IFT122: variants seen among roughly 807,000 people sequenced by gnomAD.
The protein encoded by IFT122 is intraflagellar transport protein 122 homolog.
A neutral mutation model predicts 161.6 loss-of-function variants in IFT122; 118 were observed. That is an observed-to-expected ratio of 0.73 (90% CI 0.63 to 0.85). The LOEUF (loss-of-function observed/expected upper bound fraction) is 0.85, where lower values mean the gene tolerates loss of function less well. Among genes scored for constraint, IFT122 ranks in the 40% least tolerant of loss-of-function variants. IFT122 has a pLI of 0.00. For missense variants in IFT122, 1,381 were observed against 1,579.6 expected (o/e 0.87, Z 2.13); for synonymous variants, 550 against 602.4 (o/e 0.91, Z 1.27).
intron 21 of IFT122, 75 bp downstream of exon 21, chr3:129,504,496 AC>A: frequency 8.4e-7 from 1 of 1,194,508 alleles, no homozygotes. Flanking sequence ...CAGGAAGGCT[AC>A]CAAGCCCTTC....
intron 25 of IFT122, chr3:129,515,046 G>C (rs902898590): frequency 3.2e-5 from 12 of 370,254 alleles, no homozygotes; most frequent in Non-Finnish European, 1.5e-5. Context: ...AGACAGACCT[G>C]GGTTCACATC....
intron 17 of IFT122, among the ~76,000 whole-genome samples, 156 bp downstream of exon 17, chr3:129,492,350 G>A (rs2080231703): frequency 6.6e-6 from 1 of 152,198 alleles, no homozygotes; most frequent in African/African-American, 2.4e-5. Flanking sequence ...GGGCAGAGTG[G>A]CCACACTGGG....
rs191389068 is a variant in IFT122 at position 129,471,610 on chromosome 3, G to A, written c.816+2193G>A. On this transcript the variant is annotated intron_variant, in intron 9 of 29. Transcript: ENST00000348417. ...TATCTTGCATGTATGCAGCCCCAGA[G>A]CTCATGTTGTGGCCCAAAGTTTCTG... is the stretch of plus-strand genomic sequence containing the variant. Among the ~76,000 whole-genome samples the A allele has an allele frequency of 2.4e-3, 372 of 152,318 alleles. 4 individuals carry two copies. Among genetic ancestry groups the A allele is most frequent in the South Asian group, 2.9e-3 (14 of 4,832 alleles).
chr3:129,517,041 A>G (rs1453461727), intron 26 of IFT122, among the ~76,000 whole-genome samples: 11 of 103,886 alleles, frequency 1.1e-4, no homozygotes, highest in Non-Finnish European at 1.5e-4. Flanking sequence ...TTGCTCCTGC[A>G]CACACACACA....
intron 13 of IFT122, 72 bp downstream of exon 13, chr3:129,479,994 A>G (rs1577646807): frequency 6.3e-7 from 1 of 1,582,402 alleles, no homozygotes; most frequent in East Asian, 2.2e-5. Context: ...TCTAGCAATG[A>G]CTCTGAGCTG....
At chr3:129,477,665 A>G (rs1460302785) in intron 11 of IFT122, among the ~76,000 whole-genome samples, 2 of 152,212 alleles carry the variant, frequency 1.3e-5, no homozygotes, top group Non-Finnish European at 2.9e-5. Flanking sequence ...GGAGGTGGGC[A>G]GGGAGCGGCC....
chr3:129,443,371 ATC>A (rs1373019610), intron 1 of IFT122, among the ~76,000 whole-genome samples: 2 of 152,186 alleles, frequency 1.3e-5, no homozygotes, highest in African/African-American at 4.8e-5. Context: ...CTGACAGTGT[ATC>A]TCTTTTATAA....
intron 18 of IFT122, among the ~76,000 whole-genome samples, chr3:129,499,180 C>G (rs909051465): frequency 3.3e-5 from 5 of 152,198 alleles, no homozygotes; most frequent in African/African-American, 1.2e-4. Context: ...CCCTGCAGAC[C>G]TGACCTCAGC....
Position 129,502,902 on chromosome 3 carries a change from C to T in IFT122, c.2547+20C>T, listed in dbSNP as rs367977884. On this transcript the variant is annotated intron_variant, in intron 20 of 29. Coordinates refer to ENST00000348417, the MANE Select transcript of IFT122 (RefSeq NM_052989.3). ...GATGAGGTGAGGGGAAAGCAGGCCT[C>T]ATGGGCTGGGGCCCCACCTGAGCCC... The T allele has an allele frequency of 7.5e-6, 12 of 1,605,370 alleles. No individual in the cohort carries two copies. The highest frequency in any genetic ancestry group is 1.0e-5 in the Non-Finnish European group (12 of 1,179,832).
chr3:129,446,349 C>T (rs1242128330), intron 1 of IFT122, among the ~76,000 whole-genome samples: 1 of 151,914 alleles, frequency 6.6e-6, no homozygotes, highest in Non-Finnish European at 1.5e-5. Context: ...CTCATCCTCC[C>T]GTGTAGCTGG....
At chr3:129,458,234 A>G (rs1215671452) in intron 3 of IFT122, among the ~76,000 whole-genome samples, 2 of 152,332 alleles carry the variant, frequency 1.3e-5, no homozygotes, top group South Asian at 2.1e-4. Context: ...ATTCTCTTTC[A>G]TAGGATCCGT....
At position 129,449,852 on chromosome 3, in the gene IFT122, T is replaced by C; in HGVS notation, c.42-19T>C. ...TCATTTTGGTTCCTAATTGTCTTTTTCCCTTGTCTTCTGTTCAGTATAAAT... is the reference window on the plus strand; with the variant it reads ...TCATTTTGGTTCCTAATTGTCTTTTCCCCTTGTCTTCTGTTCAGTATAAAT... On this transcript the variant is annotated intron_variant, in intron 1 of 29. Transcript: ENST00000348417. 2 of 1,596,414 alleles carry C rather than the reference T, an allele frequency of 1.3e-6. No individual in the cohort carries two copies. Among genetic ancestry groups the C allele is most frequent in the Non-Finnish European group, 8.6e-7 (1 of 1,163,884 alleles).
chr3:129,501,172 C>T (rs1406235127), intron 19 of IFT122, among the ~76,000 whole-genome samples: 1 of 152,062 alleles, frequency 6.6e-6, no homozygotes, highest in Non-Finnish European at 1.5e-5. Context: ...CTTTGTCCTC[C>T]CAGTCAGTGA....
At chr3:129,471,330 C>T (rs908901045) in intron 9 of IFT122, among the ~76,000 whole-genome samples, 6 of 152,192 alleles carry the variant, frequency 3.9e-5, no homozygotes, top group Admixed American at 1.3e-4. Context: ...TCTCAGTTTC[C>T]CATGGCTGAT....
rs1250148531 is a variant in IFT122, at chr3:129,481,046, ATAGCAAGACCT to A, written c.1489-481_1489-471del. On this transcript the variant is annotated intron_variant, in intron 13 of 29. Transcript: ENST00000348417. The stretch of plus-strand genomic sequence containing the variant: ...AGCCACTGCGATCAGCCTGGGCAAC[ATAGCAAGACCT>A]TATCTCTAAAAAAAATTTTTTTTAA... Among the ~76,000 whole-genome samples the A allele has an allele frequency of 6.6e-5, 10 of 152,208 alleles. No homozygotes were observed. In the South Asian group the frequency reaches 1.2e-3, roughly 19 times the overall value.
At chr3:129,478,312 A>G in intron 12 of IFT122, 94 bp downstream of exon 12, 1 of 1,015,280 alleles carries the variant, frequency 9.8e-7, no homozygotes. Context: ...AAAACTGGTC[A>G]CTAGAAAACA....
chr3:129,463,663 C>T (rs767739383), intron 6 of IFT122, 37 bp downstream of exon 6: 1 of 1,499,610 alleles, frequency 6.7e-7, no homozygotes. Flanking sequence ...TATGTTCCTT[C>T]ATCTTCCACA....
In IFT122 at chr3:129,495,546, G is replaced by T. The variant is rs1478170392; in HGVS notation, c.2147G>T (p.Ser716Ile). ...GAGGCCGCCAAACTGTACAAGAGGA[G>T]TGGGCACGAGAACCTCGCGCTTGAA... is the stretch of plus-strand genomic sequence containing the variant. Reference protein sequence around the residue: ...FHEAAKLYKRSGHENLALEMY... With the variant: ...FHEAAKLYKRIGHENLALEMY... Residue 716 changes from serine to isoleucine, a missense_variant, in exon 18 of 30, where the codon AGT (serine) becomes ATT (isoleucine). Transcript: ENST00000348417. 2 of 1,614,210 alleles carry T rather than the reference G, an allele frequency of 1.2e-6. No individual in the cohort carries two copies. Among genetic ancestry groups the T allele is most frequent in the East Asian group, 4.5e-5 (2 of 44,874 alleles).
chr3:129,471,083 A>G (rs2077323136), intron 9 of IFT122, among the ~76,000 whole-genome samples: 1 of 152,220 alleles, frequency 6.6e-6, no homozygotes, highest in African/African-American at 2.4e-5. Context: ...GGATTAGAGT[A>G]AAGGTGCTGG....
Sources: allele counts gnomAD v4.1 joint callset (sites outside exome capture counted in the v4.1 genomes callset), GRCh38; gene constraint gnomAD v4.1.1; transcripts MANE v1.5; gene names NCBI Gene and HGNC (gene_info 2026-07-23, HGNC 2026-07-21).